The following CACNA1C variants were observed in gnomAD, a reference collection of about 807,000 sequenced individuals.
CACNA1C encodes the protein calcium voltage-gated channel subunit alpha1 C, also known as voltage-dependent L-type calcium channel subunit alpha-1C.
Under a neutral mutation model 229.0 loss-of-function variants are expected in CACNA1C, and 30 were observed. That is an observed-to-expected ratio of 0.13 (90% CI 0.10 to 0.18). The LOEUF (loss-of-function observed/expected upper bound fraction) is 0.18, where lower values mean the gene tolerates loss of function less well. CACNA1C is among the 10% of genes least tolerant of loss of function. The pLI is 1.00. For missense variants in CACNA1C, 1,658 were observed against 2,845.0 expected (o/e 0.58, Z 9.49); for synonymous variants, 1,114 against 1,132.5 (o/e 0.98, Z 0.33).
chr12:2,006,978 A>C (rs1007038384), intron 1 of CACNA1C, among the ~76,000 whole-genome samples: 3 of 152,322 alleles, frequency 2.0e-5, no homozygotes, highest in Admixed American at 6.5e-5. Context: ...GCAACCACAC[A>C]AAGCTGACTA....
In CACNA1C at chr12:2,664,814, C is replaced by T. The variant is rs747706760; in HGVS notation, c.4233-11C>T. 14 of 1,564,662 alleles carry T rather than the reference C, an allele frequency of 8.9e-6. No homozygotes were observed. Among genetic ancestry groups the T allele is most frequent in the Non-Finnish European group, 1.2e-5 (14 of 1,151,154 alleles). ...ATGGGCTGCATGAACGTGGCTCTCC[C>T]TCCCCTCCAGGTGTGCCACCGGGGA... On this transcript the variant is annotated splice_polypyrimidine_tract_variant and intron_variant, in intron 34 of 46. Coordinates refer to ENST00000399655, the MANE Select transcript of CACNA1C (RefSeq NM_000719.7).
chr12:2,524,670 G>A (rs1453521594), intron 9 of CACNA1C, among the ~76,000 whole-genome samples: 3 of 152,228 alleles, frequency 2.0e-5, no homozygotes, highest in Non-Finnish European at 4.4e-5. Flanking sequence ...TGCCACCCCC[G>A]GGGCCTCACA....
intron 3 of CACNA1C, among the ~76,000 whole-genome samples, chr12:2,208,597 G>A (rs569247179): frequency 6.6e-6 from 1 of 152,342 alleles, no homozygotes; most frequent in South Asian, 2.1e-4. Context: ...AGGATGTCTG[G>A]GTGGTGGGTG....
intron 3 of CACNA1C, among the ~76,000 whole-genome samples, chr12:2,167,507 C>G (rs762005247): frequency 3.9e-5 from 6 of 152,268 alleles, no homozygotes; most frequent in African/African-American, 7.2e-5. Flanking sequence ...TTTATTTTAG[C>G]AGGCATTTAA....
At chr12:2,129,082 C>G (rs978350239) in intron 3 of CACNA1C, among the ~76,000 whole-genome samples, 1 of 152,206 alleles carries the variant, frequency 6.6e-6, no homozygotes, top group Non-Finnish European at 1.5e-5. Flanking sequence ...CATACCATCA[C>G]AGACATCTTG....
chr12:2,251,067 A>T (rs558704531), intron 3 of CACNA1C, among the ~76,000 whole-genome samples: 1 of 152,340 alleles, frequency 6.6e-6, no homozygotes, highest in Non-Finnish European at 1.5e-5. Flanking sequence ...GTCACTTTGG[A>T]AGAGCCTGAG....
rs1302021597 is a variant in CACNA1C at position 2,677,478 on chromosome 12, G to A, written c.4957-255G>A. Reference sequence around the variant, plus strand: ...CAGATCTCTCAAATACTTCACTGAGGCTCCCGTGACAGCCCCTGACCCCTG... The same window carrying A: ...CAGATCTCTCAAATACTTCACTGAGACTCCCGTGACAGCCCCTGACCCCTG... On this transcript the variant is annotated intron_variant, in intron 40 of 46. Transcript: ENST00000399655. The surrounding 1 kb of genome is among the most constrained non-coding windows in gnomAD (Gnocchi z 7.4). 3 of 612,476 alleles carry A rather than the reference G, an allele frequency of 4.9e-6. No homozygotes were observed. The highest frequency in any genetic ancestry group is 2.8e-5 in the East Asian group (1 of 35,932). 37.9% of individuals were successfully genotyped at this position (612,476 alleles called of 1,614,324 possible). A position where few individuals can be genotyped will look rare whatever the true frequency, so the allele number is the denominator to read the frequency against.
chr12:2,503,877 C>T (rs1009714687), intron 7 of CACNA1C, among the ~76,000 whole-genome samples: 2 of 152,180 alleles, frequency 1.3e-5, no homozygotes, highest in African/African-American at 4.8e-5. Flanking sequence ...GCCGGTGGCC[C>T]GCAGTACGTG....
In CACNA1C at chr12:2,115,415, C is replaced by A. The variant is rs745759667; in HGVS notation, c.241C>A (p.Arg81=). 1.9e-5 allele frequency: 30 copies of A among 1,612,488 alleles called. No homozygotes were observed. The highest frequency in any genetic ancestry group is 3.3e-5 in the Admixed American group (2 of 59,948). The change falls in exon 2 of 47, where the codon CGG becomes AGG. Residue 81 remains arginine (R), a synonymous_variant. Transcript: ENST00000399655. Reference sequence around the variant, plus strand: ...CATCTCCACAGTCAGCTCCACGCAGCGGAAGCGGCAGCAATATGGGAAACC... The same window carrying A: ...CATCTCCACAGTCAGCTCCACGCAGAGGAAGCGGCAGCAATATGGGAAACC... The part of the protein sequence containing the change: ...ATISTVSSTQ[R]KRQQYGKPKK...
At chr12:2,322,394 G>A (rs185380489) in intron 3 of CACNA1C, among the ~76,000 whole-genome samples, 1 of 152,316 alleles carries the variant, frequency 6.6e-6, no homozygotes, top group African/African-American at 2.4e-5. Context: ...TGGAGACTAC[G>A]CATTGTATAT....
intron 9 of CACNA1C, among the ~76,000 whole-genome samples, chr12:2,540,723 C>T (rs1470982200): frequency 1.3e-5 from 2 of 152,092 alleles, no homozygotes; most frequent in South Asian, 2.1e-4. Context: ...GCCCCATGCA[C>T]GGGAAAGACC....
At chr12:2,529,406 G>A (rs1055656376) in intron 9 of CACNA1C, among the ~76,000 whole-genome samples, 1 of 152,220 alleles carries the variant, frequency 6.6e-6, no homozygotes, top group Non-Finnish European at 1.5e-5. Context: ...GATACCGTCT[G>A]CTGGGTAGTA....
chr12:2,661,422 C>T (rs115332286), intron 34 of CACNA1C, among the ~76,000 whole-genome samples: 4,804 of 151,662 alleles, frequency 0.032, 232 homozygotes, highest in African/African-American at 0.11. Flanking sequence ...ATGAAGCAGA[C>T]GCTTTTATGT....
chr12:2,440,984 A>T (rs543229531), intron 3 of CACNA1C, among the ~76,000 whole-genome samples: 1 of 152,340 alleles, frequency 6.6e-6, no homozygotes, highest in South Asian at 2.1e-4. Context: ...CATCTCTCAG[A>T]CAGAGAATAG....
At chr12:2,235,744 C>T (rs1294643898) in intron 3 of CACNA1C, among the ~76,000 whole-genome samples, 2 of 152,298 alleles carry the variant, frequency 1.3e-5, no homozygotes, top group East Asian at 3.9e-4. Context: ...GTCTGAATGA[C>T]TAACAAAGAA....
At chr12:2,673,827 T>C (rs2096666804) in intron 38 of CACNA1C, among the ~76,000 whole-genome samples, 1 of 152,204 alleles carries the variant, frequency 6.6e-6, no homozygotes, top group African/African-American at 2.4e-5. Flanking sequence ...TCTTAGGTCA[T>C]AGGTGCCGTG....
At chr12:2,334,125 CA>C (rs1474919025) in intron 3 of CACNA1C, among the ~76,000 whole-genome samples, 1 of 152,200 alleles carries the variant, frequency 6.6e-6, no homozygotes, top group African/African-American at 2.4e-5. Context: ...GTGGGCCCTC[CA>C]TGCTTATAAA....
chr12:2,390,138 A>G (rs1490812753), intron 3 of CACNA1C, among the ~76,000 whole-genome samples: 1 of 152,128 alleles, frequency 6.6e-6, no homozygotes, highest in Admixed American at 6.5e-5. Context: ...GTCTTCTTTA[A>G]GATTTCTATA....
At chr12:2,459,169 G>GTTTTTTT (rs59909090) in intron 5 of CACNA1C, among the ~76,000 whole-genome samples, 24 of 109,392 alleles carry the variant, frequency 2.2e-4, no homozygotes, top group Non-Finnish European at 2.8e-4. Context: ...TTTTGTGTGT[G>GTTTTTTT]TTTTTTTTTT....
Sources: gnomAD v4.1 joint callset for allele counts (sites outside exome capture counted in the v4.1 genomes callset) on GRCh38, gnomAD v4.1.1 for gene constraint, Gnocchi (gnomAD v3.1) non-coding constraint, MANE v1.5 for transcripts, NCBI Gene and HGNC (gene_info 2026-07-23, HGNC 2026-07-21) for gene names.